EPC1: variants seen among roughly 807,000 people sequenced by gnomAD.
EPC1 encodes the protein enhancer of polycomb 1.
A neutral mutation model predicts 98.4 loss-of-function variants in EPC1; 12 were observed. The ratio of observed to expected loss-of-function variants is 0.12; its 90% confidence interval spans 0.08 to 0.20. EPC1 has a LOEUF of 0.20. Ranked by LOEUF, EPC1 falls within the 10% of genes least tolerant of loss-of-function variation. The pLI is 1.00. For missense variants in EPC1, 729 were observed against 990.5 expected (o/e 0.74, Z 3.54); for synonymous variants, 357 against 363.9 (o/e 0.98, Z 0.21).
chr10:32,318,646 T>C (rs918657883), intron 1 of EPC1, among the ~76,000 whole-genome samples: 3 of 152,208 alleles, frequency 2.0e-5, no homozygotes, highest in African/African-American at 7.2e-5. Flanking sequence ...TCAGCAAGTT[T>C]CACTGTCATC....
At chr10:32,345,726 AT>A in intron 1 of EPC1, 1 of 709,166 alleles carries the variant, frequency 1.4e-6, no homozygotes. Flanking sequence ...AGTTGTCAAC[AT>A]TTACGTGCTG....
intron 1 of EPC1, among the ~76,000 whole-genome samples, chr10:32,354,433 G>A (rs531134423): frequency 6.6e-6 from 1 of 152,108 alleles, no homozygotes; most frequent in Non-Finnish European, 1.5e-5. Flanking sequence ...CAGCCTGGGC[G>A]ACAGAGTGAG....
intron 1 of EPC1, among the ~76,000 whole-genome samples, chr10:32,306,590 C>T (rs767100858): frequency 2.6e-4 from 40 of 152,040 alleles, no homozygotes; most frequent in Non-Finnish European, 4.6e-4. Context: ...TTGTGACTCC[C>T]GGCAAGAAAC....
chr10:32,342,727 C>T (rs1190323137), intron 1 of EPC1, among the ~76,000 whole-genome samples: 2 of 152,136 alleles, frequency 1.3e-5, no homozygotes, highest in East Asian at 1.9e-4. Flanking sequence ...GTTAAGTTGC[C>T]ACCCCCTCAT....
chr10:32,366,381 C>T (rs1420045100), intron 1 of EPC1, among the ~76,000 whole-genome samples: 1 of 152,018 alleles, frequency 6.6e-6, no homozygotes. Flanking sequence ...TGAAAGGTAA[C>T]ATTTTAAATA....
intron 1 of EPC1, among the ~76,000 whole-genome samples, chr10:32,319,965 C>CA (rs1260921040): frequency 6.6e-6 from 1 of 152,122 alleles, no homozygotes; most frequent in African/African-American, 2.4e-5. Context: ...AGGTGTGAGC[C>CA]ACCGTGCCCA....
chr10:32,318,811 G>A (rs1260919112), intron 1 of EPC1, among the ~76,000 whole-genome samples: 1 of 152,104 alleles, frequency 6.6e-6, no homozygotes, highest in Non-Finnish European at 1.5e-5. Context: ...GCAGCAAGTG[G>A]CCTTCTAACC....
At chr10:32,289,605 G>T (rs1250393438) in intron 6 of EPC1, among the ~76,000 whole-genome samples, 1 of 151,792 alleles carries the variant, frequency 6.6e-6, no homozygotes, top group Non-Finnish European at 1.5e-5. Context: ...AACTGGTATG[G>T]TAGATGCAAA....
At position 32,315,913 on chromosome 10, in the gene EPC1, C is replaced by T. The variant is rs1189473913; in HGVS notation, c.154-9982G>A. On this transcript the variant is annotated intron_variant, in intron 1 of 13. Coordinates refer to ENST00000319778, the MANE Select transcript of EPC1 (RefSeq NM_001272004.3). ...AAAATCTTACACTTATTTCCCATCT[C>T]ACTCAAAATAAATCCCAAAGTCCTT... Among the ~76,000 whole-genome samples, 3 of 152,198 alleles carry T rather than the reference C, an allele frequency of 2.0e-5. No homozygotes were observed. The East Asian group carries it at 5.8e-4, about 29-fold the overall frequency.
At chr10:32,369,845 T>C (rs1480685133) in intron 1 of EPC1, among the ~76,000 whole-genome samples, 2 of 152,174 alleles carry the variant, frequency 1.3e-5, no homozygotes, top group Non-Finnish European at 2.9e-5. Context: ...TTCTTGAAAA[T>C]GTTACAAAGT....
intron 1 of EPC1, among the ~76,000 whole-genome samples, chr10:32,358,413 G>A (rs1038908839): frequency 3.9e-5 from 6 of 152,116 alleles, no homozygotes; most frequent in African/African-American, 1.4e-4. Context: ...CAAGGCTGAA[G>A]CAGGAGGATC....
upstream of EPC1, among the ~76,000 whole-genome samples, chr10:32,350,455 A>C (rs746056376): frequency 6.6e-6 from 1 of 152,244 alleles, no homozygotes; most frequent in African/African-American, 2.4e-5. Context: ...TCAACTGCTC[A>C]TGGGAATGAA....
chr10:32,364,983 A>T (rs1322515892), intron 1 of EPC1, among the ~76,000 whole-genome samples: 1 of 150,586 alleles, frequency 6.6e-6, no homozygotes, highest in Non-Finnish European at 1.5e-5. Context: ...GCTTCTTCCA[A>T]TGTGGCCCAG....
chr10:32,344,891 G>T (rs1434364508), intron 1 of EPC1, among the ~76,000 whole-genome samples: 1 of 152,184 alleles, frequency 6.6e-6, no homozygotes, highest in Non-Finnish European at 1.5e-5. Flanking sequence ...ACTTCAGGTT[G>T]TAACTCTTGG....
At chr10:32,333,333 A>AAAAC (rs375444400) in intron 1 of EPC1, among the ~76,000 whole-genome samples, 3 of 152,228 alleles carry the variant, frequency 2.0e-5, no homozygotes, top group Non-Finnish European at 2.9e-5. Context: ...CTTCGTCTCA[A>AAAAC]AAACAAACAA....
chr10:32,277,357 G>A (rs1055502838), intron 10 of EPC1, among the ~76,000 whole-genome samples: 12 of 152,122 alleles, frequency 7.9e-5, no homozygotes, highest in African/African-American at 2.4e-4. Context: ...AAACTCACTC[G>A]GTATGCTTCC....
chr10:32,314,684 G>C (rs1266485699), intron 1 of EPC1, among the ~76,000 whole-genome samples: 2 of 152,202 alleles, frequency 1.3e-5, no homozygotes, highest in African/African-American at 4.8e-5. Context: ...AAAAGGGTAA[G>C]CCTGCTCTAA....
At chr10:32,290,324 A>T (rs772087983) in intron 6 of EPC1, among the ~76,000 whole-genome samples, 24 of 151,758 alleles carry the variant, frequency 1.6e-4, no homozygotes, top group Non-Finnish European at 2.2e-4. Flanking sequence ...CTCTACTAAA[A>T]ATACAAAAAT....
Position 32,269,442 on chromosome 10 carries a change from T to C in EPC1, c.2370-307A>G, listed in dbSNP as rs546528894. 8.4e-4 allele frequency: 226 copies of C among 269,028 alleles called. 2 individuals carry two copies. Among genetic ancestry groups the C allele is most frequent in the Non-Finnish European group, 1.1e-3 (153 of 138,928 alleles). 16.7% of individuals were successfully genotyped at this position (269,028 alleles called of 1,614,324 possible). A position where few individuals can be genotyped will look rare whatever the true frequency, so the allele number is the denominator to read the frequency against. On this transcript the variant is annotated intron_variant, in intron 13 of 13. Coordinates refer to ENST00000319778, the MANE Select transcript of EPC1 (RefSeq NM_001272004.3). ...ATTGTTGTTTCAAGTTCCTTCTCTA[T>C]TAAACCTTTCAAAAGAGTTTTTAAA...
Sources: gnomAD v4.1 joint callset for allele counts (sites outside exome capture counted in the v4.1 genomes callset) on GRCh38, gnomAD v4.1.1 for gene constraint, MANE v1.5 for transcripts, NCBI Gene and HGNC (gene_info 2026-07-23, HGNC 2026-07-21) for gene names.